Variants in LRRTM4 observed in about 807,000 individuals in gnomAD.
LRRTM4 encodes leucine-rich repeat transmembrane neuronal protein 4.
In LRRTM4, 25 loss-of-function variants were observed where a neutral mutation model predicts 47.6. That is an observed-to-expected ratio of 0.53 (90% CI 0.38 to 0.73). The LOEUF is 0.73. LRRTM4 is among the 30% of genes least tolerant of loss of function. LRRTM4 has a pLI of 0.00. For synonymous variants in LRRTM4, 311 were observed against 269.5 expected, an observed-to-expected ratio of 1.15 and a Z score of -1.51; for missense variants, 638 against 713.4, an observed-to-expected ratio of 0.89 and a Z score of 1.20.
chr2:77,043,582 AG>A (rs1679111625), intron 3 of LRRTM4, among the ~76,000 whole-genome samples: 1 of 151,670 alleles, frequency 6.6e-6, no homozygotes, highest in South Asian at 2.1e-4. Context: ...ACACTGCAAG[AG>A]AGAAGAGAGA....
At chr2:77,291,901 A>T (rs992868818) in intron 3 of LRRTM4, among the ~76,000 whole-genome samples, 1 of 152,108 alleles carries the variant, frequency 6.6e-6, no homozygotes, top group Non-Finnish European at 1.5e-5. Flanking sequence ...CATCAGAGTG[A>T]ACAGGCAACC....
At chr2:77,501,464 T>A (rs910143769) in intron 3 of LRRTM4, among the ~76,000 whole-genome samples, 16 of 150,836 alleles carry the variant, frequency 1.1e-4, no homozygotes, top group Admixed American at 8.6e-4. Flanking sequence ...TGACGTGAAA[T>A]TGGGGAACTA....
At chr2:77,344,359 T>C (rs1055362659) in intron 3 of LRRTM4, among the ~76,000 whole-genome samples, 2 of 151,612 alleles carry the variant, frequency 1.3e-5, no homozygotes, top group Admixed American at 6.6e-5. Flanking sequence ...ACACAGCAAG[T>C]TCAAGCAGAA....
intron 3 of LRRTM4, among the ~76,000 whole-genome samples, chr2:77,216,291 C>A (rs1409031086): frequency 1.3e-5 from 2 of 152,120 alleles, no homozygotes; most frequent in Non-Finnish European, 2.9e-5. Flanking sequence ...AATGAGTGTT[C>A]ATAATTTTTG....
At chr2:76,773,806 A>ATT (rs541171793) in intron 3 of LRRTM4, among the ~76,000 whole-genome samples, 6 of 147,482 alleles carry the variant, frequency 4.1e-5, no homozygotes, top group Non-Finnish European at 4.5e-5. Context: ...AGTTTTTGGC[A>ATT]TTTTTTTTTT....
intron 3 of LRRTM4, among the ~76,000 whole-genome samples, chr2:76,802,338 T>C (rs1265273529): frequency 6.6e-6 from 1 of 151,412 alleles, no homozygotes; most frequent in Non-Finnish European, 1.5e-5. Context: ...AACAACAAAC[T>C]ACACAAATAA....
chr2:77,149,105 A>G (rs1003855735), intron 3 of LRRTM4, among the ~76,000 whole-genome samples: 1 of 152,178 alleles, frequency 6.6e-6, no homozygotes, highest in African/African-American at 2.4e-5. Flanking sequence ...TACTGTGACC[A>G]CTAGACGCAC....
chr2:77,146,265 G>A (rs76582934), intron 3 of LRRTM4, among the ~76,000 whole-genome samples: 5,632 of 152,134 alleles, frequency 0.037, 128 homozygotes, highest in Non-Finnish European at 0.059. Flanking sequence ...GTCATGACAG[G>A]TTTTATGTCT....
At chr2:76,886,143 A>C (rs2104128524) in intron 3 of LRRTM4, among the ~76,000 whole-genome samples, 2 of 152,300 alleles carry the variant, frequency 1.3e-5, no homozygotes, top group Middle Eastern at 3.4e-3. Flanking sequence ...AAACTGACAA[A>C]ATTGAGGGGC....
intron 3 of LRRTM4, among the ~76,000 whole-genome samples, chr2:77,479,281 G>A (rs1365095628): frequency 6.6e-6 from 1 of 152,120 alleles, no homozygotes; most frequent in Non-Finnish European, 1.5e-5. Context: ...GCTAAGGTCT[G>A]ATTTTTTTTA....
intron 3 of LRRTM4, among the ~76,000 whole-genome samples, chr2:76,788,011 G>T (rs1674772507): frequency 6.6e-6 from 1 of 152,106 alleles, no homozygotes; most frequent in African/African-American, 2.4e-5. Context: ...GTTAATATAT[G>T]TAAAAACAAT....
intron 3 of LRRTM4, among the ~76,000 whole-genome samples, chr2:76,826,591 T>C (rs1376965042): frequency 1.3e-5 from 2 of 151,722 alleles, no homozygotes; most frequent in Non-Finnish European, 2.9e-5. Context: ...AGTGACAGGA[T>C]AGCTAAAAAG....
At chr2:77,124,814 G>T (rs1671611790) in intron 3 of LRRTM4, among the ~76,000 whole-genome samples, 1 of 152,122 alleles carries the variant, frequency 6.6e-6, no homozygotes, top group Non-Finnish European at 1.5e-5. Flanking sequence ...TGTAGTCCAT[G>T]ATATCCATCT....
chr2:77,443,124 A>G (rs1258972513), intron 3 of LRRTM4, among the ~76,000 whole-genome samples: 2 of 152,162 alleles, frequency 1.3e-5, no homozygotes, highest in African/African-American at 4.8e-5. Flanking sequence ...GCTCAAGTGG[A>G]AAGAGAAATG....
intron 3 of LRRTM4, among the ~76,000 whole-genome samples, chr2:77,213,272 T>G (rs1203442054): frequency 6.6e-6 from 1 of 152,066 alleles, no homozygotes; most frequent in Non-Finnish European, 1.5e-5. Flanking sequence ...ATTGCCAAGT[T>G]GACAGCAAAT....
At chr2:77,370,709 C>T (rs1672626280) in intron 3 of LRRTM4, among the ~76,000 whole-genome samples, 1 of 151,686 alleles carries the variant, frequency 6.6e-6, no homozygotes, top group Admixed American at 6.6e-5. Context: ...GAGCAGAGAA[C>T]ATTGGCTTTA....
Position 77,286,329 on chromosome 2 carries a change from C to T in LRRTM4, c.1551+231989G>A, listed in dbSNP as rs1312712283. 6.6e-5 allele frequency among the ~76,000 whole-genome samples: 10 copies of T among 151,910 alleles called. No individual in the cohort carries two copies. In the East Asian group the frequency reaches 1.7e-3, roughly 26 times the overall value. On this transcript the variant is annotated intron_variant, in intron 3 of 3. Transcript: ENST00000409884. Reference sequence around the variant, plus strand: ...CATACAATATAACATAGTCAAAGCTCACATTAATAAATTATACCAAATCAT... The same window carrying T: ...CATACAATATAACATAGTCAAAGCTTACATTAATAAATTATACCAAATCAT...
chr2:76,909,607 C>G (rs1161363080), intron 3 of LRRTM4, among the ~76,000 whole-genome samples: 2 of 151,722 alleles, frequency 1.3e-5, no homozygotes. Context: ...TGACAAAGGG[C>G]TAATATCCAG....
At chr2:77,327,657 C>T (rs749485984) in intron 3 of LRRTM4, among the ~76,000 whole-genome samples, 4 of 152,158 alleles carry the variant, frequency 2.6e-5, no homozygotes, top group Non-Finnish European at 5.9e-5. Context: ...TTGTTGCCTT[C>T]TGTTTTCCTC....
Sources: gnomAD v4.1 joint callset for allele counts (sites outside exome capture counted in the v4.1 genomes callset) on GRCh38, gnomAD v4.1.1 for gene constraint, MANE v1.5 for transcripts, NCBI Gene and HGNC (gene_info 2026-07-23, HGNC 2026-07-21) for gene names.